GNAO1: variants seen among roughly 807,000 people sequenced by gnomAD.
GNAO1 encodes the protein G protein subunit alpha o1, also known as guanine nucleotide-binding protein G(o) subunit alpha.
For missense variants in GNAO1, 166 were observed against 478.7 expected (o/e 0.35, Z 6.10); for synonymous variants, 164 against 180.7 (o/e 0.91, Z 0.74).
intron 2 of GNAO1, among the ~76,000 whole-genome samples, chr16:56,226,126 G>C (rs79436015): frequency 3.4e-4 from 52 of 152,176 alleles, no homozygotes; most frequent in African/African-American, 1.2e-3. Flanking sequence ...TGTGGAGGAC[G>C]GGCTGTGGAG....
chr16:56,321,948 C>T (rs2037576202), intron 3 of GNAO1, among the ~76,000 whole-genome samples: 1 of 152,216 alleles, frequency 6.6e-6, no homozygotes. Flanking sequence ...TTATACACAA[C>T]AGAAATTTAT....
chr16:56,275,690 G>A (rs1023807921), intron 2 of GNAO1, among the ~76,000 whole-genome samples: 4 of 152,056 alleles, frequency 2.6e-5, no homozygotes, highest in African/African-American at 4.8e-5. Context: ...CCTCATTGAC[G>A]GATTTTTCTT....
chr16:56,245,820 G>A (rs1258744414), intron 2 of GNAO1, among the ~76,000 whole-genome samples: 1 of 152,206 alleles, frequency 6.6e-6, no homozygotes, highest in Non-Finnish European at 1.5e-5. Context: ...TTGAGACACA[G>A]TACCAAGTCT....
chr16:56,255,253 C>T (rs1285144817), intron 2 of GNAO1, among the ~76,000 whole-genome samples: 5 of 152,174 alleles, frequency 3.3e-5, no homozygotes, highest in African/African-American at 1.2e-4. Flanking sequence ...TTACTCCTCA[C>T]GGTTTCCTGA....
chr16:56,342,118 A>G (rs2037811208), intron 6 of GNAO1, among the ~76,000 whole-genome samples: 1 of 152,056 alleles, frequency 6.6e-6, no homozygotes, highest in Admixed American at 6.5e-5. Context: ...CTCTAGCCAT[A>G]GTTGAGGGCC....
intron 2 of GNAO1, among the ~76,000 whole-genome samples, chr16:56,221,651 CAAAAAAA>C (rs11306838): frequency 1.2e-5 from 1 of 83,870 alleles, no homozygotes; most frequent in African/African-American, 4.3e-5. Context: ...GACTGCATCT[CAAAAAAA>C]AAAAAAAAAA....
chr16:56,278,069 C>A (rs1464860408), intron 3 of GNAO1, among the ~76,000 whole-genome samples: 1 of 152,118 alleles, frequency 6.6e-6, no homozygotes, highest in African/African-American at 2.4e-5. Flanking sequence ...ACGTTAAGGA[C>A]TGTACTGCAG....
chr16:56,214,219 T>G (rs1171925754), intron 2 of GNAO1, among the ~76,000 whole-genome samples: 1 of 152,178 alleles, frequency 6.6e-6, no homozygotes, highest in Non-Finnish European at 1.5e-5. Context: ...TTGCTGGGGC[T>G]TCCCGTTGGC....
intron 2 of GNAO1, among the ~76,000 whole-genome samples, chr16:56,203,897 G>A (rs1433501866): frequency 4.6e-5 from 7 of 152,196 alleles, no homozygotes; most frequent in African/African-American, 1.7e-4. Context: ...GACTGGAAAG[G>A]AAGAGTAGGG....
At chr16:56,217,179 C>T (rs934561174) in intron 2 of GNAO1, among the ~76,000 whole-genome samples, 2 of 152,180 alleles carry the variant, frequency 1.3e-5, no homozygotes, top group Non-Finnish European at 2.9e-5. Flanking sequence ...ATTCATCTTT[C>T]GAGTTTTCCT....
At chr16:56,279,671 C>T (rs2037096801) in intron 3 of GNAO1, among the ~76,000 whole-genome samples, 1 of 152,244 alleles carries the variant, frequency 6.6e-6, no homozygotes, top group African/African-American at 2.4e-5. Flanking sequence ...TTATCTCACA[C>T]ACTGGCATGA....
intron 2 of GNAO1, among the ~76,000 whole-genome samples, chr16:56,250,680 C>T (rs1185677597): frequency 6.6e-6 from 1 of 152,184 alleles, no homozygotes; most frequent in Non-Finnish European, 1.5e-5. Flanking sequence ...GCTCCTGGGG[C>T]TGTAAGGATG....
intron 8 of GNAO1, 105 bp downstream of exon 8, chr16:56,355,186 T>A: frequency 2.7e-6 from 1 of 373,572 alleles, no homozygotes; most frequent in South Asian, 8.1e-5. Context: ...TAAATAAACT[T>A]TAAAGAGGCA....
At position 56,192,326 on chromosome 16, in the gene GNAO1, G is replaced by A; in HGVS notation, c.91G>A (p.Ala31Thr). Reference protein sequence around the residue: ...KNLKEDGISAAKDVKLLLLGA... With the variant: ...KNLKEDGISATKDVKLLLLGA... ...CCTCAAAGAGGATGGCATCAGCGCC[G>A]CCAAAGACGTGAAATTACTCCTGCT... The change falls in exon 1 of 9, where the codon GCC becomes ACC. Residue 31 changes from alanine (A) to threonine (T), a missense_variant. Coordinates refer to ENST00000262493, the MANE Select transcript of GNAO1 (RefSeq NM_020988.3). 6.2e-7 allele frequency: 1 copy of A among 1,606,134 alleles called. No homozygotes were observed. The highest frequency in any genetic ancestry group is 1.1e-5 in the South Asian group (1 of 90,938).
intron 2 of GNAO1, among the ~76,000 whole-genome samples, chr16:56,231,985 G>T (rs2036592441): frequency 6.6e-6 from 1 of 152,110 alleles, no homozygotes; most frequent in Non-Finnish European, 1.5e-5. Flanking sequence ...AGAATGTGGG[G>T]GCTGGAGGAG....
intron 2 of GNAO1, among the ~76,000 whole-genome samples, chr16:56,215,037 C>T (rs1366589969): frequency 6.6e-6 from 1 of 152,158 alleles, no homozygotes; most frequent in African/African-American, 2.4e-5. Flanking sequence ...TGAGTTGGCT[C>T]CCCCTACTAC....
intron 6 of GNAO1, chr16:56,346,231 C>T (rs765417320): frequency 4.6e-5 from 45 of 985,272 alleles, no homozygotes; most frequent in Admixed American, 6.1e-5. Flanking sequence ...TCGTAACCAG[C>T]GGCTCCATCT....
chr16:56,201,797 T>C (rs2036284090), intron 2 of GNAO1, among the ~76,000 whole-genome samples: 1 of 152,146 alleles, frequency 6.6e-6, no homozygotes, highest in Non-Finnish European at 1.5e-5. Context: ...TGGTGGATGG[T>C]AGTTAAATGC....
intron 4 of GNAO1, among the ~76,000 whole-genome samples, chr16:56,331,761 T>G (rs1332507026): frequency 2.6e-5 from 4 of 152,172 alleles, no homozygotes; most frequent in Non-Finnish European, 5.9e-5. Context: ...TTAAACACCT[T>G]GTACACTTGG....
Sources: gnomAD v4.1 joint callset for allele counts (sites outside exome capture counted in the v4.1 genomes callset) on GRCh38, gnomAD v4.1.1 for gene constraint, MANE v1.5 for transcripts, NCBI Gene and HGNC (gene_info 2026-07-23, HGNC 2026-07-21) for gene names.